The following WDSUB1 variants were observed in gnomAD, a reference collection of about 807,000 sequenced individuals.
The protein encoded by WDSUB1 is WD repeat, sterile alpha motif and U-box domain containing 1.
Under a neutral mutation model 53.9 loss-of-function variants are expected in WDSUB1, and 49 were observed. The observed-to-expected ratio is 0.91, with a 90% CI of 0.72 to 1.15. The LOEUF is 1.15. Ranked by LOEUF, WDSUB1 falls within the 50% of genes most tolerant of loss-of-function variation. The pLI is 0.00. For missense variants in WDSUB1, 514 were observed against 562.0 expected (o/e 0.91, Z 0.86); for synonymous variants, 194 against 200.6 (o/e 0.97, Z 0.28).
At chr2:159,241,378 G>A (rs768323035) in intron 10 of WDSUB1, among the ~76,000 whole-genome samples, 5 of 152,214 alleles carry the variant, frequency 3.3e-5, no homozygotes, top group Admixed American at 6.5e-5. Context: ...CCTGGCCAAC[G>A]TGGCAAAACC....
intron 4 of WDSUB1, among the ~76,000 whole-genome samples, chr2:159,272,372 A>G (rs1235590918): frequency 6.6e-6 from 1 of 152,184 alleles, no homozygotes; most frequent in Non-Finnish European, 1.5e-5. Flanking sequence ...GGGAAGAGAC[A>G]TGGGGGACTC....
At chr2:159,285,124 A>T (rs1229396570) in intron 1 of WDSUB1, among the ~76,000 whole-genome samples, 1 of 152,228 alleles carries the variant, frequency 6.6e-6, no homozygotes, top group East Asian at 1.9e-4. Context: ...TCATTTCTGT[A>T]TCCACACCAT....
At chr2:159,268,803 A>G (rs2061393562) in intron 5 of WDSUB1, among the ~76,000 whole-genome samples, 2 of 152,232 alleles carry the variant, frequency 1.3e-5, no homozygotes, top group Admixed American at 1.3e-4. Context: ...GCCAAGGTTG[A>G]CAACTTCAAC....
Position 159,282,710 on chromosome 2 carries a change from A to G in WDSUB1, c.360T>C (p.Thr120=). The G allele has an allele frequency of 6.2e-7, 1 of 1,614,012 alleles. No individual in the cohort carries two copies. The highest frequency in any genetic ancestry group is 8.5e-7 in the Non-Finnish European group (1 of 1,179,856). Residue 120 remains threonine (T), a synonymous_variant, in exon 2 of 11, where the codon ACT becomes ACC. Coordinates refer to ENST00000359774, the MANE Select transcript of WDSUB1 (RefSeq NM_001128212.3). ...TCLASGAADG[T]VVLWNAQSYK... is the part of the protein sequence containing the mutation. ...ATGACTGTGCATTCCACAAAACCAC[A>G]GTTCCATCAGCTGCCCCTGATGCCA... is the stretch of plus-strand genomic sequence containing the variant.
intron 3 of WDSUB1, among the ~76,000 whole-genome samples, chr2:159,279,508 A>G (rs951227229): frequency 5.9e-5 from 9 of 152,278 alleles, no homozygotes; most frequent in Non-Finnish European, 1.0e-4. Flanking sequence ...CACCCCCTGC[A>G]TATAATAAAG....
intron 9 of WDSUB1, among the ~76,000 whole-genome samples, chr2:159,255,302 C>T (rs1050216554): frequency 1.3e-5 from 2 of 151,890 alleles, no homozygotes; most frequent in African/African-American, 4.8e-5. Context: ...CCTGTCTTTA[C>T]TAAAAATATA....
rs2061617497 is a variant in WDSUB1 at position 159,279,890 on chromosome 2, T to C, written c.454A>G (p.Ser152Gly). The change falls in exon 3 of 11, where the codon AGC (serine) becomes GGC (glycine). Residue 152 changes from serine (S) to glycine (G), a missense_variant. Transcript: ENST00000359774. ...CATGAGGAGCCAGTGACAAAGAAGC[T>C]TCCATTAGGAGAAAATGCACATGCC... The part of the protein sequence containing the change: ...LAACAFSPNG[S>G]FFVTGSSCGD... The C allele has an allele frequency of 6.2e-7, 1 of 1,612,398 alleles. No homozygotes were observed. The highest frequency in any genetic ancestry group is 1.3e-5 in the African/African-American group (1 of 74,900).
intron 4 of WDSUB1, among the ~76,000 whole-genome samples, chr2:159,275,319 G>A (rs1051290496): frequency 6.6e-6 from 1 of 152,174 alleles, no homozygotes; most frequent in Admixed American, 6.5e-5. Flanking sequence ...AGTGCAAAGT[G>A]GTCACCTCTG....
At chr2:159,263,689 C>T (rs1172785941) in intron 5 of WDSUB1, among the ~76,000 whole-genome samples, 1 of 152,196 alleles carries the variant, frequency 6.6e-6, no homozygotes, top group Non-Finnish European at 1.5e-5. Context: ...AAACCGAGTC[C>T]TCAACAACTC....
chr2:159,257,118 C>G (rs972777665), intron 8 of WDSUB1, among the ~76,000 whole-genome samples: 1 of 152,046 alleles, frequency 6.6e-6, no homozygotes, highest in African/African-American at 2.4e-5. Flanking sequence ...CTTCCCACCT[C>G]AGCATCCCAA....
At chr2:159,244,461 T>TAGAG (rs1406966014) in intron 10 of WDSUB1, among the ~76,000 whole-genome samples, 1 of 151,486 alleles carries the variant, frequency 6.6e-6, no homozygotes, top group African/African-American at 2.4e-5. Flanking sequence ...ATAAGTAAGC[T>TAGAG]AGAGATGATT....
chr2:159,253,036 C>T (rs2060983688), intron 9 of WDSUB1, among the ~76,000 whole-genome samples: 2 of 152,266 alleles, frequency 1.3e-5, no homozygotes, highest in South Asian at 2.1e-4. Context: ...AGCAATCTGC[C>T]GCATTCCCAA....
chr2:159,257,210 C>T (rs181568072), intron 8 of WDSUB1, among the ~76,000 whole-genome samples: 1 of 152,162 alleles, frequency 6.6e-6, no homozygotes, highest in African/African-American at 2.4e-5. Context: ...CCATGTTGCC[C>T]AAGCTAATCT....
At chr2:159,285,741 C>T (rs1056095429) in intron 1 of WDSUB1, among the ~76,000 whole-genome samples, 1 of 152,130 alleles carries the variant, frequency 6.6e-6, no homozygotes, top group Non-Finnish European at 1.5e-5. Flanking sequence ...AGGAGCATGC[C>T]TTTCCCTATC....
chr2:159,261,900 T>A (rs1483515279), intron 5 of WDSUB1, among the ~76,000 whole-genome samples: 43 of 27,818 alleles, frequency 1.5e-3, no homozygotes, highest in African/African-American at 2.4e-3. Flanking sequence ...ATATATATTT[T>A]TTTTTTTTTT....
At chr2:159,241,219 A>G (rs915218476) in intron 10 of WDSUB1, among the ~76,000 whole-genome samples, 2 of 152,222 alleles carry the variant, frequency 1.3e-5, no homozygotes, top group African/African-American at 4.8e-5. Context: ...AGTGCAGGGC[A>G]GGCATTTCTA....
chr2:159,256,139 T>G, intron 9 of WDSUB1, 57 bp downstream of exon 9: 1 of 1,511,324 alleles, frequency 6.6e-7, no homozygotes, highest in African/African-American at 1.4e-5. Context: ...AAAATCCAAC[T>G]GCAGAGTAAT....
intron 9 of WDSUB1, among the ~76,000 whole-genome samples, chr2:159,251,389 G>C (rs967049092): frequency 6.6e-6 from 1 of 152,120 alleles, no homozygotes; most frequent in Non-Finnish European, 1.5e-5. Flanking sequence ...ATTTATAACA[G>C]AGAACACAGA....
intron 2 of WDSUB1, among the ~76,000 whole-genome samples, chr2:159,280,418 G>A (rs1478769556): frequency 2.6e-5 from 4 of 152,088 alleles, no homozygotes; most frequent in East Asian, 1.9e-4. Context: ...GTGGCCGGGC[G>A]CGGTGGCTCA....
Sources: allele counts gnomAD v4.1 joint callset (sites outside exome capture counted in the v4.1 genomes callset), GRCh38; gene constraint gnomAD v4.1.1; transcripts MANE v1.5; gene names NCBI Gene and HGNC (gene_info 2026-07-23, HGNC 2026-07-21).